RNASEH2A: variants seen among roughly 807,000 people sequenced by gnomAD.
The protein encoded by RNASEH2A is ribonuclease H2 subunit A.
RNASEH2A carries 30 observed loss-of-function variants against 32.7 expected under a neutral mutation model. The ratio of observed to expected loss-of-function variants is 0.92; its 90% CI spans 0.69 to 1.25. RNASEH2A has a LOEUF of 1.25. Among genes scored for constraint, RNASEH2A ranks in the 50% most tolerant of loss-of-function variants. The pLI is 0.00. For synonymous variants in RNASEH2A, 147 were observed against 165.4 expected (o/e 0.89, Z 0.86); for missense variants, 409 against 398.1 (o/e 1.03, Z -0.23).
intron 3 of RNASEH2A, 37 bp from the exon 4 acceptor site, chr19:12,807,382 T>C: frequency 6.2e-7 from 1 of 1,614,114 alleles, no homozygotes; most frequent in Non-Finnish European, 8.5e-7. Flanking sequence ...GCTTTGTTCC[T>C]AGAATGAGAT....
At position 12,807,015 on chromosome 19, in the gene RNASEH2A, G is replaced by C; in HGVS notation, c.135G>C (p.Met45Ile). 6.2e-7 allele frequency: 1 copy of C among 1,613,900 alleles called. No individual in the cohort carries two copies. The change falls in exon 2 of 8, where the codon ATG becomes ATC. Residue 45 changes from methionine to isoleucine, a missense_variant. Met to Ile is a conservative substitution (Grantham distance 10). Transcript: ENST00000221486. ...GACACCCCTTCTCCCCAGGCCCCAT[G>C]GTCTACGCCATCTGTTATTGTCCCC... ...EAGRGPVLGP[M>I]VYAICYCPLP...
rs533405107 is a variant in RNASEH2A, at chr19:12,810,502, A to C, written c.637+98A>C. On this transcript the variant is annotated intron_variant, in intron 6 of 7. Coordinates refer to ENST00000221486, the MANE Select transcript of RNASEH2A (RefSeq NM_006397.3). ...TTTCCTTTCTGTCATTTATCATTTT[A>C]TTTTGCTTATTTTTTGTTTTTATTT... 4.4e-5 allele frequency: 48 copies of C among 1,082,850 alleles called. No homozygotes were observed. The South Asian group carries it at 6.5e-4, about 15-fold the overall frequency. The allele number at this position is 1,082,850 out of a possible 1,614,324, so 67.1% of individuals were successfully genotyped here.
At chr19:12,811,554 G>A (rs911156668) in intron 6 of RNASEH2A, among the ~76,000 whole-genome samples, 2 of 151,702 alleles carry the variant, frequency 1.3e-5, no homozygotes, top group Non-Finnish European at 2.9e-5. Flanking sequence ...GGAGTTGGAG[G>A]CTGCAGTGAG....
intron 4 of RNASEH2A, 117 bp from the exon 5 acceptor site, chr19:12,809,954 C>A (rs953413250): frequency 2.3e-6 from 3 of 1,333,260 alleles, no homozygotes; most frequent in Non-Finnish European, 3.2e-6. Context: ...ATTGATCCAT[C>A]CTGGGGACGT....
intron 4 of RNASEH2A, among the ~76,000 whole-genome samples, chr19:12,808,476 T>C (rs994701702): frequency 9.9e-5 from 15 of 151,850 alleles, no homozygotes; most frequent in Non-Finnish European, 2.2e-4. Context: ...AAATCCTACA[T>C]TGTCTACCTG....
At position 12,807,021 on chromosome 19, in the gene RNASEH2A, C is replaced by T. The variant is rs951143348; in HGVS notation, c.141C>T (p.Tyr47=). The T allele has an allele frequency of 6.2e-7, 1 of 1,613,998 alleles. No homozygotes were observed. Among genetic ancestry groups the T allele is most frequent in the Non-Finnish European group, 8.5e-7 (1 of 1,179,990 alleles). The part of the protein sequence containing the change: ...GRGPVLGPMV[Y]AICYCPLPRL... ...CCTTCTCCCCAGGCCCCATGGTCTA[C>T]GCCATCTGTTATTGTCCCCTGCCTC... The change falls in exon 2 of 8, where the codon TAC becomes TAT. Residue 47 remains tyrosine (Y), a synonymous_variant. Transcript: ENST00000221486.
chr19:12,812,515 G>C (rs1002780613), intron 6 of RNASEH2A, among the ~76,000 whole-genome samples: 1 of 152,002 alleles, frequency 6.6e-6, no homozygotes, highest in African/African-American at 2.4e-5. Flanking sequence ...CTGGGTGACA[G>C]AGCAAGACTC....
At chr19:12,811,468 C>T (rs1406292547) in intron 6 of RNASEH2A, among the ~76,000 whole-genome samples, 3 of 151,640 alleles carry the variant, frequency 2.0e-5, no homozygotes, top group South Asian at 2.1e-4. Context: ...AAAAATTAGC[C>T]GGTTATAGTG....
chr19:12,810,600 G>A lies in RNASEH2A; in HGVS notation c.637+196G>A, dbSNP rs900622606. ...GGCTGGAGTGTAATGGTGCGATCTCGGCTCACCGCAACCTCCACCTCCTGG... is the reference window on the plus strand; with the variant it reads ...GGCTGGAGTGTAATGGTGCGATCTCAGCTCACCGCAACCTCCACCTCCTGG... On this transcript the variant is annotated intron_variant, in intron 6 of 7. Coordinates refer to ENST00000221486, the MANE Select transcript of RNASEH2A (RefSeq NM_006397.3). 3.3e-5 allele frequency among the ~76,000 whole-genome samples: 5 copies of A among 151,754 alleles called. No individual in the cohort carries two copies. The East Asian group carries it at 7.7e-4, about 23-fold the overall frequency.
intron 7 of RNASEH2A, 40 bp downstream of exon 7, chr19:12,813,246 AAGG>A: frequency 6.2e-7 from 1 of 1,613,902 alleles, no homozygotes; most frequent in Non-Finnish European, 8.5e-7. Flanking sequence ...ATAGGGAAGG[AAGG>A]AGGGAGGCCA....
intron 4 of RNASEH2A, among the ~76,000 whole-genome samples, chr19:12,808,764 G>A (rs1328736363): frequency 6.6e-6 from 1 of 152,194 alleles, no homozygotes; most frequent in Non-Finnish European, 1.5e-5. Context: ...GGACCGTTCT[G>A]AGAGAATAAC....
In RNASEH2A at chr19:12,807,438, TC is replaced by T. The variant is rs1276969689; in HGVS notation, c.346del (p.Leu116CysfsTer18). Reference protein sequence around the residue: ...MLGRVKYNLNSLSHDTATGLI... With the variant: ...MLGRVKYNLNXLSHDTATGLI... ...CCACAGGGTCAAATACAACCTGAACTCCCTGTCACATGATACAGCCACTGGG... is the reference window on the plus strand; with the variant it reads ...CCACAGGGTCAAATACAACCTGAACTCCTGTCACATGATACAGCCACTGGG... On this transcript the variant is annotated frameshift_variant, in exon 4 of 8. Transcript: ENST00000221486. LOFTEE classifies it high-confidence loss of function. 1 of 1,614,036 alleles carries T rather than the reference TC, an allele frequency of 6.2e-7. No homozygotes were observed. Among genetic ancestry groups the T allele is most frequent in the African/African-American group, 1.3e-5 (1 of 74,902 alleles).
intron 4 of RNASEH2A, 75 bp downstream of exon 4, chr19:12,807,581 A>AGG: frequency 8.2e-7 from 1 of 1,221,302 alleles, no homozygotes; most frequent in Non-Finnish European, 1.2e-6. Flanking sequence ...TCGAGACTGC[A>AGG]GTGAGCCATG....
At chr19:12,808,410 C>T (rs763892408) in intron 4 of RNASEH2A, among the ~76,000 whole-genome samples, 12 of 152,004 alleles carry the variant, frequency 7.9e-5, no homozygotes, top group Non-Finnish European at 1.3e-4. Flanking sequence ...CAGTGTAGCC[C>T]CTAGTCCCGT....
In RNASEH2A at chr19:12,813,561, G is replaced by A. The variant is rs1452339228; in HGVS notation, c.*95G>A. On this transcript the variant is annotated 3_prime_UTR_variant, in exon 8 of 8. Coordinates refer to ENST00000221486, the MANE Select transcript of RNASEH2A (RefSeq NM_006397.3). The stretch of plus-strand genomic sequence containing the variant: ...TAGGGGATGTACTTTTGGGACAGAA[G>A]CAAGGTGGGAGTGTGCTCTGCAGCC... 2.6e-6 allele frequency: 4 copies of A among 1,537,828 alleles called. No homozygotes were observed. The African/African-American group carries it at 5.4e-5, about 21-fold the overall frequency.
rs1969004135 is a variant in RNASEH2A, at chr19:12,807,084, G to T, written c.199+5G>T. 1.9e-6 allele frequency: 3 copies of T among 1,614,038 alleles called. No individual in the cohort carries two copies. The African/African-American group carries it at 4.0e-5, about 22-fold the overall frequency. ...TGGAGGCGCTGAAAGTGGCAGGTGAGCCCGAGGTGTGCGTCTGGGGAAGGG... is the reference window on the plus strand; with the variant it reads ...TGGAGGCGCTGAAAGTGGCAGGTGATCCCGAGGTGTGCGTCTGGGGAAGGG... On this transcript the variant is annotated splice_donor_5th_base_variant and intron_variant, in intron 2 of 7. Coordinates refer to ENST00000221486, the MANE Select transcript of RNASEH2A (RefSeq NM_006397.3).
intron 7 of RNASEH2A, 32 bp downstream of exon 7, chr19:12,813,238 A>T (rs752251490): frequency 1.9e-6 from 3 of 1,613,908 alleles, no homozygotes; most frequent in South Asian, 2.2e-5. Context: ...GGGGTGCTAT[A>T]GGGAAGGAAG....
chr19:12,813,087 C>T lies in RNASEH2A; in HGVS notation c.642C>T (p.Pro214=). 2 of 1,614,126 alleles carry T rather than the reference C, an allele frequency of 1.2e-6. No homozygotes were observed. The highest frequency in any genetic ancestry group is 1.3e-5 in the African/African-American group (1 of 75,042). ...TDYGSGYPND[P]KTKAWLKEHV... is the part of the protein sequence containing the mutation. ...CCATTGCCCACCCTACCCCAGATCC[C>T]AAGACAAAAGCGTGGTTGAAGGAGC... The change falls in exon 7 of 8, where the codon CCC becomes CCT. Residue 214 remains proline, a synonymous_variant. Transcript: ENST00000221486.
At chr19:12,812,803 G>A (rs2145829884) in intron 6 of RNASEH2A, among the ~76,000 whole-genome samples, 1 of 152,076 alleles carries the variant, frequency 6.6e-6, no homozygotes, top group East Asian at 1.9e-4. Context: ...TCAAGCAATT[G>A]AGACCATCCT....
Sources: allele counts gnomAD v4.1 joint callset (sites outside exome capture counted in the v4.1 genomes callset), GRCh38; gene constraint gnomAD v4.1.1; transcripts MANE v1.5; gene names NCBI Gene and HGNC (gene_info 2026-07-23, HGNC 2026-07-21).